Variants in AAK1 observed in about 807,000 individuals in gnomAD.
The protein encoded by AAK1 is AP2-associated protein kinase 1.
A neutral mutation model predicts 116.0 loss-of-function variants in AAK1; 37 were observed. That is an observed-to-expected ratio of 0.32 (90% CI 0.25 to 0.42). The LOEUF is 0.42. AAK1 is among the 10% of genes least tolerant of loss of function. The pLI, the probability that AAK1 is intolerant of heterozygous loss-of-function variation, is 1.00. For synonymous variants in AAK1, 458 were observed against 439.9 expected (o/e 1.04, Z -0.51); for missense variants, 919 against 1,170.6 (o/e 0.79, Z 3.14).
At chr2:69,523,894 G>T (rs1669897826) in intron 10 of AAK1, among the ~76,000 whole-genome samples, 1 of 152,214 alleles carries the variant, frequency 6.6e-6, no homozygotes, top group African/African-American at 2.4e-5. Flanking sequence ...GACAGTCTAG[G>T]TCACTTCCAC....
Position 69,577,063 on chromosome 2 carries a change from A to G in AAK1, c.164-20085T>C, listed in dbSNP as rs547468199. On this transcript the variant is annotated intron_variant, in intron 2 of 21. Transcript: ENST00000409085. ...CTCTGCGCCAAGCACTTTCACATGC[A>G]TTACCTAATTGCATCCTCATGACAA... Among the ~76,000 whole-genome samples the G allele has an allele frequency of 3.3e-5, 5 of 152,342 alleles. No homozygotes were observed. The South Asian group carries it at 1.0e-3, about 32-fold the overall frequency.
chr2:69,555,482 C>A (rs533264900), intron 3 of AAK1, among the ~76,000 whole-genome samples: 1 of 152,194 alleles, frequency 6.6e-6, no homozygotes, highest in Admixed American at 6.5e-5. Flanking sequence ...CAGGGGCAAG[C>A]GGAGCCTGAT....
At position 69,470,426 on chromosome 2, in the gene AAK1, A is replaced by G. The variant is rs745811167; in HGVS notation, c.*5443T>C. 1.9e-5 allele frequency: 19 copies of G among 985,458 alleles called. No individual in the cohort carries two copies. The highest frequency in any genetic ancestry group is 2.3e-5 in the Non-Finnish European group (19 of 829,946). 61.0% of individuals were successfully genotyped at this position (985,458 alleles called of 1,614,324 possible). On this transcript the variant is annotated 3_prime_UTR_variant, in exon 22 of 22. Coordinates refer to ENST00000409085, the MANE Select transcript of AAK1 (RefSeq NM_014911.5). Reference sequence around the variant, plus strand: ...CCTTCTAGCTCACATAACAAAATTAAGCATTTGGTTCCACCATATATTAGG... The same window carrying G: ...CCTTCTAGCTCACATAACAAAATTAGGCATTTGGTTCCACCATATATTAGG...
chr2:69,500,688 TATATATATATACAC>T (rs1176229324), intron 16 of AAK1, among the ~76,000 whole-genome samples: 10 of 112,182 alleles, frequency 8.9e-5, no homozygotes, highest in African/African-American at 3.9e-4. Context: ...TATATATATA[TATATATATATACAC>T]ACACACACAC....
intron 2 of AAK1, among the ~76,000 whole-genome samples, chr2:69,572,838 C>T (rs1469022341): frequency 1.3e-5 from 2 of 151,976 alleles, no homozygotes; most frequent in South Asian, 2.1e-4. Flanking sequence ...GACATTCCTC[C>T]GGGTAAACAG....
At chr2:69,538,101 A>C (rs1463676857) in intron 5 of AAK1, among the ~76,000 whole-genome samples, 1 of 152,166 alleles carries the variant, frequency 6.6e-6, no homozygotes, top group African/African-American at 2.4e-5. Context: ...ATAAGGGGGG[A>C]CAACTGTGTG....
intron 2 of AAK1, among the ~76,000 whole-genome samples, chr2:69,623,258 C>T (rs1243659390): frequency 6.6e-6 from 1 of 152,194 alleles, no homozygotes; most frequent in Non-Finnish European, 1.5e-5. Flanking sequence ...AGAACTGTGA[C>T]ACTCACTGCG....
intron 7 of AAK1, 115 bp downstream of exon 7, chr2:69,530,510 T>C (rs777266037): frequency 3.0e-4 from 233 of 789,068 alleles, no homozygotes; most frequent in Middle Eastern, 4.7e-4. Flanking sequence ...GAGGGGTAAG[T>C]AGACCATGAT....
chr2:69,548,703 C>T (rs892255738), intron 3 of AAK1, among the ~76,000 whole-genome samples: 3 of 152,034 alleles, frequency 2.0e-5, no homozygotes, highest in Non-Finnish European at 4.4e-5. Flanking sequence ...CTCCTGGGTT[C>T]AAGTGATTCT....
At chr2:69,538,237 T>C (rs554489963) in intron 5 of AAK1, among the ~76,000 whole-genome samples, 3 of 152,382 alleles carry the variant, frequency 2.0e-5, no homozygotes, top group Admixed American at 1.3e-4. Context: ...GGTAAAGCAC[T>C]GAGGGCTGGC....
At chr2:69,525,892 A>G (rs1670002180) in intron 9 of AAK1, among the ~76,000 whole-genome samples, 2 of 151,932 alleles carry the variant, frequency 1.3e-5, no homozygotes, top group African/African-American at 4.9e-5. Context: ...AAAAGAAGAC[A>G]GTCATGTTTG....
chr2:69,469,029 G>A lies in AAK1; in HGVS notation c.*6840C>T. The A allele has an allele frequency of 5.1e-6, 5 of 985,378 alleles. No individual in the cohort carries two copies. Among genetic ancestry groups the A allele is most frequent in the South Asian group, 4.7e-5 (1 of 21,282 alleles). 61.0% of individuals were successfully genotyped at this position (985,378 alleles called of 1,614,324 possible). On this transcript the variant is annotated 3_prime_UTR_variant, in exon 22 of 22. Transcript: ENST00000409085. ...AGTTTGAAGGGAAAATTAGTCTCCT[G>A]TCCTTCAAAACAAGGACAAGAGCTA... is the stretch of plus-strand genomic sequence containing the variant.
rs200287854 is a variant in AAK1 at position 69,480,889 on chromosome 2, T to C, written c.2540A>G (p.Gln847Arg). The C allele has an allele frequency of 1.3e-4, 203 of 1,605,418 alleles. No individual in the cohort carries two copies. Among genetic ancestry groups the C allele is most frequent in the Middle Eastern group, 1.7e-4 (1 of 6,050 alleles). ...EPPVPQRLPS[Q>R]TESVTSNRTD... ...GCGATTCGAGGTCACAGATTCCGTC[T>C]GAGATGGGAGGCGCTGGGGAACTGG... is the stretch of plus-strand genomic sequence containing the variant. The change falls in exon 19 of 22, where the codon CAG becomes CGG. Residue 847 changes from glutamine (Q) to arginine (R), a missense_variant. Around this residue, in one of 4 missense-constraint regions of AAK1, gnomAD observed 263 missense variants for 285.5 expected, o/e 0.92. Transcript: ENST00000409085.
rs368747487 is a variant in AAK1, at chr2:69,519,166, G to A, written c.1285C>T (p.Pro429Ser). Residue 429 changes from proline to serine, a missense_variant, in exon 12 of 22, where the codon CCG becomes TCG. This residue lies in a region of AAK1 where 214 missense variants were observed against 210.6 expected (regional missense o/e 1.02). Transcript: ENST00000409085. ...TGTGGCTGCTTGGCCTGAGTTTGCG[G>A]CAGAGGCTGGCTGGGTGGGGCTTGG... ...KPQAPPSQPLPQTQAKQPQAP... is the reference protein window; with the variant it reads ...KPQAPPSQPLSQTQAKQPQAP... The A allele has an allele frequency of 3.2e-4, 508 of 1,584,574 alleles. No individual in the cohort carries two copies. The highest frequency in any genetic ancestry group is 4.2e-4 in the Non-Finnish European group (491 of 1,165,174).
In AAK1 at chr2:69,469,835, G is replaced by T; in HGVS notation, c.*6034C>A. The stretch of plus-strand genomic sequence containing the variant: ...TAGGACTGTGTGCCAGGTTAGGCAC[G>T]TTGACACTTTCAATATGGGTAACTC... On this transcript the variant is annotated 3_prime_UTR_variant, in exon 22 of 22. Transcript: ENST00000409085. The T allele has an allele frequency of 1.0e-6, 1 of 985,400 alleles. No individual in the cohort carries two copies. Among genetic ancestry groups the T allele is most frequent in the Non-Finnish European group, 1.2e-6 (1 of 829,924 alleles). 61.0% of individuals were successfully genotyped at this position (985,400 alleles called of 1,614,324 possible).
intron 2 of AAK1, among the ~76,000 whole-genome samples, chr2:69,595,775 A>G (rs146502281): frequency 1.3e-5 from 2 of 152,352 alleles, no homozygotes; most frequent in East Asian, 3.9e-4. Flanking sequence ...GAAAAGCCTT[A>G]TATTGGAAGA....
At chr2:69,607,637 A>G (rs1673868540) in intron 2 of AAK1, among the ~76,000 whole-genome samples, 1 of 152,192 alleles carries the variant, frequency 6.6e-6, no homozygotes, top group South Asian at 2.1e-4. Context: ...TCTAGATTAT[A>G]CTTATAATAA....
Position 69,594,098 on chromosome 2 carries a change from A to T in AAK1, c.164-37120T>A, listed in dbSNP as rs969496502. Among the ~76,000 whole-genome samples the T allele has an allele frequency of 2.6e-5, 4 of 152,354 alleles. No homozygotes were observed. The East Asian group carries it at 5.8e-4, about 22-fold the overall frequency. ...GGGTCTCTCCTAAGGTACAAGTTGG[A>T]ATCCGCTTTTGTGAGCAATTTCTAC... is the stretch of plus-strand genomic sequence containing the variant. On this transcript the variant is annotated intron_variant, in intron 2 of 21. Coordinates refer to ENST00000409085, the MANE Select transcript of AAK1 (RefSeq NM_014911.5).
In AAK1 at chr2:69,478,884, T is replaced by C. The variant is rs1377161807; in HGVS notation, c.2680+67A>G. The C allele has an allele frequency of 3.7e-6, 5 of 1,336,736 alleles. No homozygotes were observed. The African/African-American group carries it at 7.3e-5, about 20-fold the overall frequency. The allele number at this position is 1,336,736 out of a possible 1,614,324, so 82.8% of individuals were successfully genotyped here. A position where few individuals can be genotyped will look rare whatever the true frequency, so the allele number is the denominator to read the frequency against. On this transcript the variant is annotated intron_variant, in intron 20 of 21. Coordinates refer to ENST00000409085, the MANE Select transcript of AAK1 (RefSeq NM_014911.5). ...GTAAAGACTTTTGATAAGAAAAACT[T>C]TCAAAAGTTGTTTAGTTCTTTCCCC...
Sources: allele counts gnomAD v4.1 joint callset (sites outside exome capture counted in the v4.1 genomes callset), GRCh38; gene constraint gnomAD v4.1.1; regional missense constraint gnomAD v4.1.1; transcripts MANE v1.5; gene names NCBI Gene and HGNC (gene_info 2026-07-23, HGNC 2026-07-21).